The following XRCC4 variants were observed in gnomAD, a reference collection of about 807,000 sequenced individuals.
The protein encoded by XRCC4 is X-ray repair cross complementing 4.
In XRCC4, 28 loss-of-function variants were observed where a neutral mutation model predicts 39.1. That is an observed-to-expected ratio of 0.72 (90% CI 0.53 to 0.98). The LOEUF (loss-of-function observed/expected upper bound fraction) is 0.98, where lower values mean the gene tolerates loss of function less well. Among genes scored for constraint, XRCC4 ranks in the 50% least tolerant of loss-of-function variants. The pLI is 0.00. For missense variants in XRCC4, 350 were observed against 376.4 expected (o/e 0.93, Z 0.58); for synonymous variants, 123 against 126.4 (o/e 0.97, Z 0.18).
intron 3 of XRCC4, among the ~76,000 whole-genome samples, chr5:83,165,203 T>G (rs1278910938): frequency 6.6e-6 from 1 of 152,028 alleles, no homozygotes; most frequent in African/African-American, 2.4e-5. Context: ...AAAAAAAATC[T>G]AAACACACAT....
intron 6 of XRCC4, among the ~76,000 whole-genome samples, chr5:83,249,498 A>G (rs576841514): frequency 1.7e-4 from 26 of 152,266 alleles, no homozygotes; most frequent in African/African-American, 6.3e-4. Context: ...AGAGGCACCA[A>G]CCTTGTTGTA....
intron 4 of XRCC4, among the ~76,000 whole-genome samples, chr5:83,202,511 A>G (rs1175507612): frequency 6.6e-6 from 1 of 152,202 alleles, no homozygotes; most frequent in Non-Finnish European, 1.5e-5. Context: ...GTTTAAGGGC[A>G]TGTATATAAA....
At chr5:83,256,643 A>C (rs1223171695) in intron 6 of XRCC4, among the ~76,000 whole-genome samples, 2 of 152,144 alleles carry the variant, frequency 1.3e-5, no homozygotes, top group East Asian at 3.9e-4. Context: ...GTGTTTAAAA[A>C]AAAAAAAAAA....
intron 7 of XRCC4, among the ~76,000 whole-genome samples, chr5:83,338,121 C>G (rs538519139): frequency 6.6e-6 from 1 of 152,194 alleles, no homozygotes; most frequent in South Asian, 2.1e-4. Context: ...ATGGTTAGAT[C>G]CAGAATGGTA....
At chr5:83,312,218 A>G (rs572493371) in intron 7 of XRCC4, among the ~76,000 whole-genome samples, 1 of 152,198 alleles carries the variant, frequency 6.6e-6, no homozygotes, top group South Asian at 2.1e-4. Flanking sequence ...CACCTTCAAA[A>G]TATCTCAATA....
chr5:83,183,806 T>A (rs1750313267), intron 3 of XRCC4, among the ~76,000 whole-genome samples: 1 of 152,178 alleles, frequency 6.6e-6, no homozygotes. Flanking sequence ...TCTATCATAC[T>A]CCCTAGCTTC....
At chr5:83,303,259 C>A (rs551651471) in intron 7 of XRCC4, among the ~76,000 whole-genome samples, 1 of 148,106 alleles carries the variant, frequency 6.8e-6, no homozygotes, top group African/African-American at 2.5e-5. Flanking sequence ...TAGTAAGAAT[C>A]TAAAGTACTC....
At chr5:83,326,079 G>T (rs557885826) in intron 7 of XRCC4, among the ~76,000 whole-genome samples, 57 of 152,004 alleles carry the variant, frequency 3.7e-4, no homozygotes, top group Non-Finnish European at 7.4e-4. Flanking sequence ...CATGTCCTTT[G>T]CCCAGTTTTT....
chr5:83,121,195 G>T (rs1746992820), intron 3 of XRCC4, among the ~76,000 whole-genome samples: 2 of 152,104 alleles, frequency 1.3e-5, no homozygotes, highest in Non-Finnish European at 2.9e-5. Context: ...TTCACCAGTT[G>T]GTGGACATTT....
intron 7 of XRCC4, chr5:83,311,068 A>C (rs1173757164): frequency 4.2e-6 from 1 of 240,372 alleles, no homozygotes; most frequent in Non-Finnish European, 8.6e-6. Flanking sequence ...GTATTAAGCC[A>C]TCAAGTTTGT....
At chr5:83,190,651 A>G (rs890411631) in intron 3 of XRCC4, among the ~76,000 whole-genome samples, 1 of 152,162 alleles carries the variant, frequency 6.6e-6, no homozygotes, top group African/African-American at 2.4e-5. Flanking sequence ...CACCTTGATA[A>G]TCTCCTCTCC....
intron 6 of XRCC4, among the ~76,000 whole-genome samples, chr5:83,243,278 C>T (rs184580047): frequency 3.0e-4 from 45 of 152,258 alleles, no homozygotes; most frequent in African/African-American, 1.0e-3. Flanking sequence ...TTTGCTAGGG[C>T]TGCCATAACA....
intron 6 of XRCC4, among the ~76,000 whole-genome samples, chr5:83,216,855 G>A (rs1209154572): frequency 6.6e-6 from 1 of 152,100 alleles, no homozygotes; most frequent in Non-Finnish European, 1.5e-5. Flanking sequence ...AGAATTTTTG[G>A]ACATGATGGA....
intron 7 of XRCC4, among the ~76,000 whole-genome samples, chr5:83,314,187 T>TA (rs1358686922): frequency 2.0e-5 from 3 of 152,178 alleles, no homozygotes; most frequent in African/African-American, 7.2e-5. Flanking sequence ...GGCACTAATT[T>TA]AAAAAAATTG....
At chr5:83,256,789 T>G (rs373046338) in intron 6 of XRCC4, among the ~76,000 whole-genome samples, 144 of 152,204 alleles carry the variant, frequency 9.5e-4, no homozygotes, top group Middle Eastern at 6.8e-3. Context: ...CAAAGAATAA[T>G]TTACCAACTA....
At chr5:83,159,208 A>G (rs1003372496) in intron 3 of XRCC4, among the ~76,000 whole-genome samples, 1 of 152,182 alleles carries the variant, frequency 6.6e-6, no homozygotes. Flanking sequence ...AAAAATAATA[A>G]TTATTCATTT....
At chr5:83,238,545 C>A (rs1752784334) in intron 6 of XRCC4, among the ~76,000 whole-genome samples, 1 of 151,742 alleles carries the variant, frequency 6.6e-6, no homozygotes, top group Non-Finnish European at 1.5e-5. Context: ...TAGCTTGCAG[C>A]CTAATTTTAA....
chr5:83,175,302 C>A (rs570737703), intron 3 of XRCC4, among the ~76,000 whole-genome samples: 5 of 152,096 alleles, frequency 3.3e-5, no homozygotes, highest in Non-Finnish European at 7.4e-5. Flanking sequence ...TTTCTTGTAT[C>A]TCATTCCAGT....
chr5:83,361,296 C>A, the XRCC4 span, among the ~76,000 whole-genome samples: 1 of 152,192 alleles, frequency 6.6e-6, no homozygotes, highest in Admixed American at 6.6e-5. Context: ...CTTTCAAACA[C>A]CCTATCCTTG....
Sources: gnomAD v4.1 joint callset for allele counts (sites outside exome capture counted in the v4.1 genomes callset) on GRCh38, gnomAD v4.1.1 for gene constraint, MANE v1.5 for transcripts, NCBI Gene and HGNC (gene_info 2026-07-23, HGNC 2026-07-21) for gene names.